LOXL1: variants seen among roughly 807,000 people sequenced by gnomAD.
LOXL1 encodes the protein lysyl oxidase like 1, also known as lysyl oxidase homolog 1.
Under a neutral mutation model 62.2 loss-of-function variants are expected in LOXL1, and 31 were observed. The ratio of observed to expected loss-of-function variants is 0.50; its 90% CI spans 0.37 to 0.67. The LOEUF (loss-of-function observed/expected upper bound fraction) is 0.67, where lower values mean the gene tolerates loss of function less well. Ranked by LOEUF, LOXL1 falls within the 30% of genes least tolerant of loss-of-function variation. The probability of loss-of-function intolerance (pLI) is 0.00; values close to 1 mark genes in which losing one functional copy is unlikely to be tolerated. For missense variants in LOXL1, 775 were observed against 843.4 expected, an observed-to-expected ratio of 0.92 and a Z score of 1.00; for synonymous variants, 403 against 384.4, an observed-to-expected ratio of 1.05 and a Z score of -0.56.
intron 6 of LOXL1, among the ~76,000 whole-genome samples, chr15:73,951,393 A>G (rs1175184544): frequency 1.3e-5 from 2 of 152,074 alleles, no homozygotes; most frequent in Non-Finnish European, 2.9e-5. Flanking sequence ...TGTGACCCTG[A>G]CCGCAGGCAG....
At position 73,929,723 on chromosome 15, in the gene LOXL1, T is replaced by TGGAGAATA. The variant is rs1445162435; in HGVS notation, c.1102+1842_1102+1849dup. 3.9e-5 allele frequency among the ~76,000 whole-genome samples: 6 copies of TGGAGAATA among 152,274 alleles called. No individual in the cohort carries two copies. In the East Asian group the frequency reaches 1.2e-3, roughly 29 times the overall value. On this transcript the variant is annotated intron_variant, in intron 1 of 6. Transcript: ENST00000261921. ...ATGCATCAGCTGCTCTAGGGCCCCT[T>TGGAGAATA]GGAGAATAGGATGTTTTACCTAGAG...
intron 1 of LOXL1, among the ~76,000 whole-genome samples, chr15:73,934,688 G>A (rs900164668): frequency 2.0e-5 from 3 of 152,186 alleles, no homozygotes; most frequent in Admixed American, 6.5e-5. Context: ...GTATTCATTC[G>A]TGAAAAGAAA....
chr15:73,944,231 A>G (rs183346216), intron 2 of LOXL1, among the ~76,000 whole-genome samples: 30 of 152,346 alleles, frequency 2.0e-4, no homozygotes, highest in Middle Eastern at 3.4e-3. Context: ...TGAGGAACTT[A>G]CAGCCTCCAT....
Position 73,941,718 on chromosome 15 carries a change from G to A in LOXL1, c.1103-1136G>A, listed in dbSNP as rs558249793. Among the ~76,000 whole-genome samples the A allele has an allele frequency of 4.9e-3, 753 of 152,274 alleles. 5 individuals carry two copies. Among genetic ancestry groups the A allele is most frequent in the Non-Finnish European group, 8.9e-3 (608 of 68,012 alleles). ...CCCTTTAAGTCAGTGGCTGGGCTGG[G>A]ATAGAGCCCAGGGCCCTGGAGTCCC... On this transcript the variant is annotated intron_variant, in intron 1 of 6. Coordinates refer to ENST00000261921, the MANE Select transcript of LOXL1 (RefSeq NM_005576.4).
intron 1 of LOXL1, among the ~76,000 whole-genome samples, chr15:73,937,450 G>A (rs4886785): frequency 0.29 from 44,637 of 152,180 alleles, 7,082 homozygotes; most frequent in East Asian, 0.55. Flanking sequence ...GTATTCCCTC[G>A]CACGCAGCTC....
Position 73,942,904 on chromosome 15 carries a change from G to A in LOXL1, c.1153G>A (p.Val385Met). ...CAACTATGTGCAAGCATCCACTTAT[G>A]TGCAGAGAGCCCACCTGTACTCCCT... ...DPNYVQASTY[V>M]QRAHLYSLRC... The change falls in exon 2 of 7, where the codon GTG becomes ATG. Residue 385 changes from valine to methionine, a missense_variant. Physicochemically the swap from Val to Met is conservative, Grantham distance 21. Transcript: ENST00000261921. The A allele has an allele frequency of 6.2e-7, 1 of 1,614,100 alleles. No individual in the cohort carries two copies. Among genetic ancestry groups the A allele is most frequent in the Non-Finnish European group, 8.5e-7 (1 of 1,179,968 alleles).
chr15:73,927,241 G>A lies in LOXL1; in HGVS notation c.458G>A (p.Gly153Asp), dbSNP rs3825942. The A allele has an allele frequency of 0.17, 273,882 of 1,597,506 alleles. 25,880 individuals carry two copies. Among genetic ancestry groups the A allele is most frequent in the African/African-American group, 0.38 (28,183 of 73,668 alleles). ...RTSVSQQRHGGSASSVSASAF... is the reference protein window; with the variant it reads ...RTSVSQQRHGDSASSVSASAF... The stretch of plus-strand genomic sequence containing the variant: ...TCCGTCTCCCAGCAACGGCACGGGG[G>A]CTCCGCCTCCTCGGTCTCGGCTTCG... The change falls in exon 1 of 7, where the codon GGC becomes GAC. Residue 153 changes from glycine to aspartate, a missense_variant. Coordinates refer to ENST00000261921, the MANE Select transcript of LOXL1 (RefSeq NM_005576.4).
At chr15:73,928,610 A>C (rs2068611480) in intron 1 of LOXL1, among the ~76,000 whole-genome samples, 1 of 40,082 alleles carries the variant, frequency 2.5e-5, no homozygotes, top group Admixed American at 2.3e-4. Context: ...GCAAAAAAAA[A>C]AAAAAAAAAA....
At chr15:73,931,706 C>T (rs1329656939) in intron 1 of LOXL1, among the ~76,000 whole-genome samples, 3 of 152,214 alleles carry the variant, frequency 2.0e-5, no homozygotes, top group African/African-American at 7.2e-5. Flanking sequence ...TACCACCTCT[C>T]CTGCCTGAGC....
chr15:73,948,523 G>C (rs1317687458), intron 5 of LOXL1, among the ~76,000 whole-genome samples: 10 of 152,138 alleles, frequency 6.6e-5, no homozygotes, highest in Non-Finnish European at 1.3e-4. Flanking sequence ...AATGAGTAGG[G>C]ATCATTCCAC....
At chr15:73,929,105 T>A (rs1043194803) in intron 1 of LOXL1, among the ~76,000 whole-genome samples, 2 of 152,238 alleles carry the variant, frequency 1.3e-5, no homozygotes, top group African/African-American at 4.8e-5. Context: ...GTGTGGCCAG[T>A]GCTGGACGGC....
At position 73,926,849 on chromosome 15, in the gene LOXL1, G is replaced by A. The variant is rs1043378828; in HGVS notation, c.66G>A (p.Leu22=). 75 of 1,543,376 alleles carry A rather than the reference G, an allele frequency of 4.9e-5. No homozygotes were observed. Among genetic ancestry groups the A allele is most frequent in the Non-Finnish European group, 6.2e-5 (71 of 1,143,700 alleles). ...ALVWGACLCV[L]VHGQQAQPGQ... ...TGTGGGGCGCCTGCCTGTGCGTGCT[G>A]GTGCACGGGCAGCAGGCGCAGCCCG... Residue 22 remains leucine (L), a synonymous_variant, in exon 1 of 7, where the codon CTG becomes CTA. Transcript: ENST00000261921.
At chr15:73,935,019 T>C (rs936542464) in intron 1 of LOXL1, among the ~76,000 whole-genome samples, 6 of 151,188 alleles carry the variant, frequency 4.0e-5, no homozygotes, top group Non-Finnish European at 7.4e-5. Context: ...CAGAGTAGAG[T>C]GGAAATGGAG....
intron 6 of LOXL1, among the ~76,000 whole-genome samples, chr15:73,950,246 C>T (rs1258195830): frequency 6.7e-6 from 1 of 149,842 alleles, no homozygotes; most frequent in Non-Finnish European, 1.5e-5. Context: ...CTTACAAGCT[C>T]ACAAGGAAAC....
intron 6 of LOXL1, 97 bp from the exon 7 acceptor site, chr15:73,951,734 A>G: frequency 3.5e-6 from 4 of 1,135,294 alleles, no homozygotes; most frequent in Non-Finnish European, 4.8e-6. Context: ...CTGCCCTGCC[A>G]CGAGGGATCT....
At position 73,930,335 on chromosome 15, in the gene LOXL1, T is replaced by G. The variant is rs1233764602; in HGVS notation, c.1102+2450T>G. Among the ~76,000 whole-genome samples the G allele has an allele frequency of 3.3e-5, 5 of 152,126 alleles. No homozygotes were observed. The highest frequency in any genetic ancestry group is 7.4e-5 in the Non-Finnish European group (5 of 68,008). ...ACCATCCAGGTGCCCCTTCCCCTAA[T>G]CATTGAGGGTGTGGGGTGGGAGTGT... On this transcript the variant is annotated intron_variant, in intron 1 of 6. Transcript: ENST00000261921. The surrounding 1 kb of genome is among the most constrained non-coding windows in gnomAD (Gnocchi z 4.7).
In LOXL1 at chr15:73,952,008, G is replaced by C. The variant is rs2141641469; in HGVS notation, c.*171G>C. The C allele has an allele frequency of 2.3e-6, 1 of 441,996 alleles. No individual in the cohort carries two copies. The highest frequency in any genetic ancestry group is 3.5e-5 in the East Asian group (1 of 28,432). The allele number at this position is 441,996 out of a possible 1,614,324, so 27.4% of individuals were successfully genotyped here. A position where few individuals can be genotyped will look rare whatever the true frequency, so the allele number is the denominator to read the frequency against. ...AAAACCACAGGGATTCCGGACGCCA[G>C]ACCCCATTTTATACTTCACTTTTCT... On this transcript the variant is annotated 3_prime_UTR_variant, in exon 7 of 7. Coordinates refer to ENST00000261921, the MANE Select transcript of LOXL1 (RefSeq NM_005576.4).
At chr15:73,939,845 TCCCTGTGTGA>T (rs772407215) in intron 1 of LOXL1, among the ~76,000 whole-genome samples, 83 of 152,120 alleles carry the variant, frequency 5.5e-4, no homozygotes, top group Admixed American at 3.3e-4. Context: ...GTACCCCAGC[TCCCTGTGTGA>T]CCCTGTGCAG....
In LOXL1 at chr15:73,927,307, A is replaced by G; in HGVS notation, c.524A>G (p.Gln175Arg). The change falls in exon 1 of 7, where the codon CAG becomes CGG. Residue 175 changes from glutamine (Q) to arginine (R), a missense_variant. Transcript: ENST00000261921. The part of the protein sequence containing the change: ...STYRQQPSYP[Q>R]QFPYPQAPFV... ...TACCGCCAGCAGCCCTCCTACCCGCAGCAGTTCCCCTACCCGCAGGCGCCC... is the reference window on the plus strand; with the variant it reads ...TACCGCCAGCAGCCCTCCTACCCGCGGCAGTTCCCCTACCCGCAGGCGCCC... 1 of 1,603,176 alleles carries G rather than the reference A, an allele frequency of 6.2e-7. No homozygotes were observed. The highest frequency in any genetic ancestry group is 8.5e-7 in the Non-Finnish European group (1 of 1,176,746).
Sources: allele counts gnomAD v4.1 joint callset (sites outside exome capture counted in the v4.1 genomes callset), GRCh38; gene constraint gnomAD v4.1.1; non-coding constraint Gnocchi (gnomAD v3.1); transcripts MANE v1.5; gene names NCBI Gene and HGNC (gene_info 2026-07-23, HGNC 2026-07-21).